The following CAST variants were observed in gnomAD, a reference collection of about 807,000 sequenced individuals.
CAST encodes the protein MIR583 host.
Under a neutral mutation model 119.6 loss-of-function variants are expected in CAST, and 76 were observed. The observed-to-expected ratio is 0.64, with a 90% confidence interval of 0.53 to 0.77. CAST has a LOEUF of 0.77. CAST is among the 30% of genes least tolerant of loss of function. CAST has a pLI of 0.00. For synonymous variants in CAST, 319 were observed against 331.6 expected (o/e 0.96, Z 0.41); for missense variants, 953 against 946.5 (o/e 1.01, Z -0.09).
the CAST span, among the ~76,000 whole-genome samples, chr5:95,991,653 G>A: frequency 3.3e-5 from 5 of 151,668 alleles, no homozygotes; most frequent in African/African-American, 9.7e-5. Context: ...TTATAGGCAC[G>A]TGCCACTGCT....
chr5:96,361,613 T>C, the CAST span, among the ~76,000 whole-genome samples: 1 of 152,130 alleles, frequency 6.6e-6, no homozygotes, highest in Admixed American at 6.5e-5. Flanking sequence ...GCACTTCCCA[T>C]GTGAGACGAT....
the CAST span, among the ~76,000 whole-genome samples, chr5:96,484,383 C>T: frequency 1.6e-4 from 25 of 152,308 alleles, no homozygotes; most frequent in South Asian, 5.0e-3. Flanking sequence ...TGATTAAACA[C>T]TATACTTTGC....
the CAST span, among the ~76,000 whole-genome samples, chr5:96,345,198 A>C: frequency 1.3e-5 from 2 of 152,192 alleles, no homozygotes; most frequent in Non-Finnish European, 2.9e-5. Flanking sequence ...AGCAAACTTC[A>C]GTGACCTCCA....
At chr5:96,750,510 C>A (rs1764772689) in intron 19 of CAST, 77 bp from the exon 20 acceptor site, 1 of 849,360 alleles carries the variant, frequency 1.2e-6, no homozygotes, top group African/African-American at 1.7e-5. Flanking sequence ...AGCGGAGTGT[C>A]TTGTTGGTCT....
chr5:96,268,051 A>G, the CAST span, among the ~76,000 whole-genome samples: 1 of 152,268 alleles, frequency 6.6e-6, no homozygotes, highest in East Asian at 1.9e-4. Flanking sequence ...TGTAAGCCTC[A>G]TGGTAACCAC....
chr5:96,625,750 C>A (rs982477087), intron 1 of CAST, among the ~76,000 whole-genome samples: 1 of 152,182 alleles, frequency 6.6e-6, no homozygotes, highest in African/African-American at 2.4e-5. Context: ...TGGCTGACAG[C>A]CCCGGTTGCA....
chr5:96,666,666 A>G (rs1749376227), intron 1 of CAST, among the ~76,000 whole-genome samples: 1 of 152,252 alleles, frequency 6.6e-6, no homozygotes, highest in South Asian at 2.1e-4. Flanking sequence ...CTTTCAGCTG[A>G]CAGTCTTTGA....
the CAST span, among the ~76,000 whole-genome samples, chr5:96,074,214 C>T: frequency 1.3e-5 from 2 of 150,378 alleles, no homozygotes; most frequent in Non-Finnish European, 3.0e-5. Context: ...ATTCAATATC[C>T]TTTAACAAGC....
chr5:96,620,267 C>G lies in CAST; in HGVS notation c.61-55272C>G, dbSNP rs550271094. The stretch of plus-strand genomic sequence containing the variant: ...ACAGCCTCATGATAAAAAGGTGATG[C>G]AGGTGAAGCCAGTTCTTTTTCTTTT... On this transcript the variant is annotated intron_variant, in intron 1 of 11. Coordinates refer to the CAST transcript ENST00000505143. Among the ~76,000 whole-genome samples the G allele has an allele frequency of 2.0e-5, 3 of 150,534 alleles. No individual in the cohort carries two copies. In the East Asian group the frequency reaches 5.8e-4, roughly 29 times the overall value.
At chr5:96,174,617 G>GT in the CAST span, among the ~76,000 whole-genome samples, 2 of 152,134 alleles carry the variant, frequency 1.3e-5, no homozygotes, top group African/African-American at 4.8e-5. Flanking sequence ...TATTGGCACT[G>GT]TTTTTTTGTT....
chr5:96,561,892 A>C (rs1418699764), intron 1 of CAST, among the ~76,000 whole-genome samples: 1 of 136,792 alleles, frequency 7.3e-6, no homozygotes, highest in Non-Finnish European at 1.5e-5. Flanking sequence ...TCCCAGGTTC[A>C]CGCCATTCTC....
At chr5:96,767,108 A>G (rs981206468) in intron 27 of CAST, among the ~76,000 whole-genome samples, 1 of 152,222 alleles carries the variant, frequency 6.6e-6, no homozygotes, top group Non-Finnish European at 1.5e-5. Context: ...AGTAAATAAG[A>G]TGTAAAAACA....
At chr5:96,545,749 C>T (rs981835843) in intron 1 of CAST, among the ~76,000 whole-genome samples, 2 of 152,344 alleles carry the variant, frequency 1.3e-5, no homozygotes, top group East Asian at 3.9e-4. Flanking sequence ...TAAACAGCAA[C>T]TGAAATGGCC....
chr5:96,463,365 T>G, the CAST span, among the ~76,000 whole-genome samples: 1 of 152,122 alleles, frequency 6.6e-6, no homozygotes, highest in Non-Finnish European at 1.5e-5. Flanking sequence ...GGTTGTTTTT[T>G]GATTTACAAA....
At chr5:96,535,817 C>T (rs994976247) in intron 1 of CAST, among the ~76,000 whole-genome samples, 3 of 150,646 alleles carry the variant, frequency 2.0e-5, no homozygotes, top group Non-Finnish European at 4.4e-5. Context: ...TCGTGATCCT[C>T]CCGCCTCGGC....
chr5:96,185,334 C>G, the CAST span, among the ~76,000 whole-genome samples: 6 of 152,140 alleles, frequency 3.9e-5, no homozygotes, highest in African/African-American at 1.4e-4. Flanking sequence ...TTTTGCTGTG[C>G]AGAAGCTCTT....
the CAST span, among the ~76,000 whole-genome samples, chr5:96,083,058 A>G: frequency 6.6e-6 from 1 of 152,240 alleles, no homozygotes; most frequent in Non-Finnish European, 1.5e-5. Flanking sequence ...CATGAAACCA[A>G]GAGCCATCGG....
At chr5:96,660,308 C>A (rs1444106082), upstream of CAST, among the ~76,000 whole-genome samples, 1 of 152,190 alleles carries the variant, frequency 6.6e-6, no homozygotes, top group Non-Finnish European at 1.5e-5. Flanking sequence ...TCCCAAAACA[C>A]CTTTGTACTT....
chr5:96,104,007 T>G, the CAST span, among the ~76,000 whole-genome samples: 1 of 152,226 alleles, frequency 6.6e-6, no homozygotes, highest in Non-Finnish European at 1.5e-5. Context: ...AGTGATGGTG[T>G]GTTTTTTGGC....
Sources: allele counts gnomAD v4.1 joint callset (sites outside exome capture counted in the v4.1 genomes callset), GRCh38; gene constraint gnomAD v4.1.1; transcripts MANE v1.5; gene names NCBI Gene and HGNC (gene_info 2026-07-23, HGNC 2026-07-21).